The following SPAG16 variants were observed in gnomAD, a reference collection of about 807,000 sequenced individuals.
SPAG16 encodes sperm-associated antigen 16 protein.
Under a neutral mutation model 80.4 loss-of-function variants are expected in SPAG16, and 86 were observed. The observed-to-expected ratio is 1.07, with a 90% CI of 0.90 to 1.28. SPAG16 has a LOEUF of 1.28. Among genes scored for constraint, SPAG16 ranks in the 50% most tolerant of loss-of-function variants. The probability of loss-of-function intolerance (pLI) is 0.00; values close to 1 mark genes in which losing one functional copy is unlikely to be tolerated. For synonymous variants in SPAG16, 294 were observed against 265.9 expected (o/e 1.11, Z -1.03); for missense variants, 870 against 765.3 (o/e 1.14, Z -1.61).
At chr2:214,220,779 A>C (rs1440557211) in intron 15 of SPAG16, among the ~76,000 whole-genome samples, 1 of 152,142 alleles carries the variant, frequency 6.6e-6, no homozygotes, top group Non-Finnish European at 1.5e-5. Context: ...TTTACTTAAA[A>C]CGTAATAAAA....
intron 15 of SPAG16, among the ~76,000 whole-genome samples, chr2:214,401,409 ATATGT>A (rs1177359239): frequency 6.6e-6 from 1 of 151,844 alleles, no homozygotes; most frequent in Non-Finnish European, 1.5e-5. Flanking sequence ...CTCTTCCCTG[ATATGT>A]TATTTCATAT....
chr2:213,492,861 G>T (rs915851523), intron 10 of SPAG16, among the ~76,000 whole-genome samples: 1 of 152,052 alleles, frequency 6.6e-6, no homozygotes, highest in East Asian at 1.9e-4. Flanking sequence ...ACAATGCTTT[G>T]CTAAGCCTCT....
At position 213,333,857 on chromosome 2, in the gene SPAG16, T is replaced by C. The variant is rs150617956; in HGVS notation, c.537-6306T>C. The stretch of plus-strand genomic sequence containing the variant: ...ATCATGTGCAAAAATCAAATCAAAA[T>C]GAAATTCCTAAGAGAAAACTAAAAG... On this transcript the variant is annotated intron_variant, in intron 5 of 15. Transcript: ENST00000331683. Among the ~76,000 whole-genome samples, 214 of 152,178 alleles carry C rather than the reference T, an allele frequency of 1.4e-3. 1 individual carries two copies. The Middle Eastern group carries it at 0.017, about 12-fold the overall frequency.
chr2:213,836,264 T>G (rs1559509018), intron 10 of SPAG16, among the ~76,000 whole-genome samples: 1 of 149,394 alleles, frequency 6.7e-6, no homozygotes, highest in East Asian at 2.0e-4. Flanking sequence ...TTTTTTTTCC[T>G]TTAGAGGAAT....
chr2:213,421,425 C>G (rs1370906766), intron 9 of SPAG16, among the ~76,000 whole-genome samples: 1 of 152,178 alleles, frequency 6.6e-6, no homozygotes, highest in Non-Finnish European at 1.5e-5. Flanking sequence ...TGCAGGTGCC[C>G]CTTGGCATGA....
At position 213,386,416 on chromosome 2, in the gene SPAG16, TTTAA is replaced by T. The variant is rs545003609; in HGVS notation, c.942+11300_942+11303del. Among the ~76,000 whole-genome samples the T allele has an allele frequency of 3.5e-3, 536 of 152,332 alleles. 5 individuals carry two copies. Among genetic ancestry groups the T allele is most frequent in the African/African-American group, 0.012 (504 of 41,574 alleles). On this transcript the variant is annotated intron_variant, in intron 9 of 15. Coordinates refer to ENST00000331683, the MANE Select transcript of SPAG16 (RefSeq NM_024532.5). Reference sequence around the variant, plus strand: ...TCCTATTGCAGTTTCCCCATTTTCCTTTAATTCTCACTCCCATCCTTCTAAATCT... The same window carrying T: ...TCCTATTGCAGTTTCCCCATTTTCCTTTCTCACTCCCATCCTTCTAAATCT...
intron 15 of SPAG16, among the ~76,000 whole-genome samples, chr2:214,375,654 A>C (rs1298213158): frequency 6.6e-6 from 1 of 152,222 alleles, no homozygotes; most frequent in Non-Finnish European, 1.5e-5. Flanking sequence ...TTAGTGAAGA[A>C]AAGGAAGAGT....
chr2:213,869,328 G>A (rs1212177415), intron 11 of SPAG16, among the ~76,000 whole-genome samples: 4 of 105,366 alleles, frequency 3.8e-5, no homozygotes, highest in Non-Finnish European at 8.6e-5. Context: ...ACACACACAT[G>A]CAAAACTTTT....
intron 15 of SPAG16, among the ~76,000 whole-genome samples, chr2:214,295,526 C>T (rs1457099948): frequency 6.6e-6 from 1 of 152,190 alleles, no homozygotes; most frequent in Non-Finnish European, 1.5e-5. Flanking sequence ...GACAGTGGCT[C>T]ATGCCTGTAA....
chr2:213,758,974 C>A (rs2068499145), intron 10 of SPAG16, among the ~76,000 whole-genome samples: 1 of 152,132 alleles, frequency 6.6e-6, no homozygotes, highest in African/African-American at 2.4e-5. Flanking sequence ...ATATTTCTCA[C>A]CAGAAACGTT....
chr2:213,860,947 AT>A (rs978137278), intron 10 of SPAG16, among the ~76,000 whole-genome samples: 1 of 152,128 alleles, frequency 6.6e-6, no homozygotes, highest in African/African-American at 2.4e-5. Flanking sequence ...TTAATCTGAC[AT>A]TTTTTACCTC....
chr2:214,234,080 C>CG (rs201861934), intron 15 of SPAG16, among the ~76,000 whole-genome samples: 46 of 147,494 alleles, frequency 3.1e-4, no homozygotes, highest in South Asian at 1.3e-3. Context: ...TGTTTCCCCC[C>CG]CCATGTGTCC....
chr2:213,672,827 G>GTT (rs200763363), intron 10 of SPAG16, among the ~76,000 whole-genome samples: 1 of 143,676 alleles, frequency 7.0e-6, no homozygotes, highest in African/African-American at 2.6e-5. Context: ...TCAATGATCA[G>GTT]TTTTTTTTTG....
At chr2:213,741,128 T>G (rs2556310) in intron 10 of SPAG16, among the ~76,000 whole-genome samples, 140,679 of 152,120 alleles carry the variant, frequency 0.92, 66,086 homozygotes, top group East Asian at 1. Flanking sequence ...TAAGGAGAAA[T>G]CTTATTAATC....
chr2:214,128,338 C>T (rs2054596301), intron 14 of SPAG16, among the ~76,000 whole-genome samples: 1 of 151,808 alleles, frequency 6.6e-6, no homozygotes, highest in African/African-American at 2.4e-5. Context: ...GAGTTATTGG[C>T]ATGTTTTAGT....
At chr2:214,126,294 G>A (rs1478629632) in intron 14 of SPAG16, among the ~76,000 whole-genome samples, 1 of 150,872 alleles carries the variant, frequency 6.6e-6, no homozygotes, top group African/African-American at 2.4e-5. Flanking sequence ...GAGGAGTTCT[G>A]GTTTCTATGA....
chr2:213,573,359 A>G (rs1034571479), intron 10 of SPAG16, among the ~76,000 whole-genome samples: 1 of 152,202 alleles, frequency 6.6e-6, no homozygotes, highest in Admixed American at 6.5e-5. Flanking sequence ...TTTCTCTGTG[A>G]TAATTTTTGA....
chr2:214,346,922 C>G (rs1413707912), intron 15 of SPAG16, among the ~76,000 whole-genome samples: 1 of 152,116 alleles, frequency 6.6e-6, no homozygotes, highest in Non-Finnish European at 1.5e-5. Flanking sequence ...ATTCCCTATT[C>G]ATAAAATCAT....
At chr2:213,341,604 C>A (rs146142988) in intron 6 of SPAG16, among the ~76,000 whole-genome samples, 25 of 152,232 alleles carry the variant, frequency 1.6e-4, no homozygotes, top group African/African-American at 5.3e-4. Context: ...GAGATTAAGG[C>A]ATCCTGTAGC....
Sources: allele counts gnomAD v4.1 joint callset (sites outside exome capture counted in the v4.1 genomes callset), GRCh38; gene constraint gnomAD v4.1.1; transcripts MANE v1.5; gene names NCBI Gene and HGNC (gene_info 2026-07-23, HGNC 2026-07-21).